Variants in CTTNBP2 observed in about 807,000 individuals in gnomAD.
CTTNBP2 encodes the protein cortactin binding protein 2, also known as cortactin-binding protein 2.
CTTNBP2 carries 108 observed loss-of-function variants against 156.9 expected under a neutral mutation model. The ratio of observed to expected loss-of-function variants is 0.69; its 90% CI spans 0.59 to 0.81. The LOEUF is 0.81. Among genes scored for constraint, CTTNBP2 ranks in the 30% least tolerant of loss-of-function variants. The pLI, the probability that CTTNBP2 is intolerant of heterozygous loss-of-function variation, is 0.00. For synonymous variants in CTTNBP2, 767 were observed against 751.8 expected (o/e 1.02, Z -0.33); for missense variants, 1,924 against 2,035.4 (o/e 0.95, Z 1.05).
chr7:117,718,049 A>G lies in CTTNBP2; in HGVS notation c.4715T>C (p.Ile1572Thr). ...TGACACTGGCATTCTCAGATTATTA[A>G]TAGTTGCTGAAAGTACAGGGTTGTT... ...SGNNPVLSATINNLRMPVSQK... is the reference protein window; with the variant it reads ...SGNNPVLSATTNNLRMPVSQK... The change falls in exon 22 of 23, where the codon ATT becomes ACT. Residue 1572 changes from isoleucine (I) to threonine (T), a missense_variant. Transcript: ENST00000160373. 2 of 1,612,038 alleles carry G rather than the reference A, an allele frequency of 1.2e-6. No individual in the cohort carries two copies. Among genetic ancestry groups the G allele is most frequent in the African/African-American group, 2.7e-5 (2 of 74,992 alleles).
chr7:117,760,777 C>T (rs1201884045), intron 9 of CTTNBP2, 67 bp from the exon 10 acceptor site: 1 of 1,061,324 alleles, frequency 9.4e-7, no homozygotes, highest in Non-Finnish European at 1.4e-6. Context: ...AAAACTATTA[C>T]ATAAAATAAG....
At chr7:117,864,441 T>G (rs1243273805) in intron 1 of CTTNBP2, among the ~76,000 whole-genome samples, 1 of 151,812 alleles carries the variant, frequency 6.6e-6, no homozygotes, top group East Asian at 1.9e-4. Flanking sequence ...ATAATAATAA[T>G]ATTTTCAAAT....
chr7:117,790,955 T>C (rs1247851551), intron 4 of CTTNBP2, among the ~76,000 whole-genome samples, 173 bp downstream of exon 4: 2 of 147,974 alleles, frequency 1.4e-5, no homozygotes, highest in African/African-American at 5.0e-5. Flanking sequence ...TGAATCACCA[T>C]ACCCTGGAGC....
intron 2 of CTTNBP2, among the ~76,000 whole-genome samples, chr7:117,845,930 A>C (rs2117161388): frequency 1.3e-5 from 2 of 151,688 alleles, no homozygotes; most frequent in African/African-American, 4.8e-5. Context: ...GGCTCACTGC[A>C]AGCTCCGCTT....
At chr7:117,834,199 C>T (rs1470031331) in intron 2 of CTTNBP2, among the ~76,000 whole-genome samples, 1 of 152,052 alleles carries the variant, frequency 6.6e-6, no homozygotes, top group African/African-American at 2.4e-5. Flanking sequence ...GGACTACAGG[C>T]ACCTGCTACC....
At chr7:117,730,011 G>C (rs1028126605) in intron 16 of CTTNBP2, among the ~76,000 whole-genome samples, 1 of 152,132 alleles carries the variant, frequency 6.6e-6, no homozygotes, top group African/African-American at 2.4e-5. Flanking sequence ...TAAATGACAG[G>C]CTTCTACAAG....
chr7:117,748,597 C>T (rs1287736396), intron 12 of CTTNBP2, among the ~76,000 whole-genome samples: 1 of 152,196 alleles, frequency 6.6e-6, no homozygotes, highest in Non-Finnish European at 1.5e-5. Flanking sequence ...TCAAGTGCAA[C>T]TTTATGCCAT....
At chr7:117,765,215 C>A (rs1382527021) in intron 9 of CTTNBP2, among the ~76,000 whole-genome samples, 1 of 152,190 alleles carries the variant, frequency 6.6e-6, no homozygotes, top group Non-Finnish European at 1.5e-5. Flanking sequence ...GGATTACAGA[C>A]GTGAGCCACC....
intron 3 of CTTNBP2, 77 bp downstream of exon 3, chr7:117,810,688 G>T: frequency 8.5e-7 from 1 of 1,176,638 alleles, no homozygotes; most frequent in Non-Finnish European, 1.3e-6. Flanking sequence ...TAATACTGAA[G>T]AACAAACAAC....
intron 2 of CTTNBP2, among the ~76,000 whole-genome samples, chr7:117,825,900 T>A (rs1028554834): frequency 6.6e-6 from 1 of 152,162 alleles, no homozygotes; most frequent in African/African-American, 2.4e-5. Flanking sequence ...TATTCTTATA[T>A]CCTTAGGATG....
intron 5 of CTTNBP2, among the ~76,000 whole-genome samples, chr7:117,783,255 T>C (rs1417237676): frequency 6.6e-6 from 1 of 152,076 alleles, no homozygotes; most frequent in Non-Finnish European, 1.5e-5. Flanking sequence ...TAAAAAAAAA[T>C]GTCATGTGCC....
Sources: allele counts gnomAD v4.1 joint callset (sites outside exome capture counted in the v4.1 genomes callset), GRCh38; gene constraint gnomAD v4.1.1; transcripts MANE v1.5; gene names NCBI Gene and HGNC (gene_info 2026-07-23, HGNC 2026-07-21).